FNTA: variants seen among roughly 807,000 people sequenced by gnomAD.
FNTA encodes protein farnesyltransferase/geranylgeranyltransferase type-1 subunit alpha.
A neutral mutation model predicts 55.2 loss-of-function variants in FNTA; 27 were observed. The ratio of observed to expected loss-of-function variants is 0.49; its 90% CI spans 0.36 to 0.67. The LOEUF is 0.67. Among genes scored for constraint, FNTA ranks in the 30% least tolerant of loss-of-function variants. The probability of loss-of-function intolerance (pLI) is 0.00; values close to 1 mark genes in which losing one functional copy is unlikely to be tolerated. For missense variants in FNTA, 422 were observed against 464.7 expected, an observed-to-expected ratio of 0.91 and a Z score of 0.85; for synonymous variants, 176 against 170.7, an observed-to-expected ratio of 1.03 and a Z score of -0.24.
intron 5 of FNTA, among the ~76,000 whole-genome samples, chr8:43,074,333 G>C (rs1411719137): frequency 6.6e-6 from 1 of 152,164 alleles, no homozygotes; most frequent in African/African-American, 2.4e-5. Flanking sequence ...CGACTAGCCT[G>C]GCAACATGGC....
chr8:43,073,512 C>T (rs1204993360), intron 5 of FNTA: 1 of 152,130 alleles, frequency 6.6e-6, no homozygotes, highest in Non-Finnish European at 1.5e-5. Context: ...ACCAAGGTGC[C>T]TTTCACATTC....
At chr8:43,065,003 A>T (rs1810621005) in intron 3 of FNTA, among the ~76,000 whole-genome samples, 2 of 150,924 alleles carry the variant, frequency 1.3e-5, no homozygotes, top group African/African-American at 2.4e-5. Flanking sequence ...TGCCTGGCTA[A>T]TTTTTTATTT....
At chr8:43,071,528 C>T (rs1191524158) in intron 4 of FNTA, among the ~76,000 whole-genome samples, 2 of 151,722 alleles carry the variant, frequency 1.3e-5, no homozygotes, top group Non-Finnish European at 2.9e-5. Flanking sequence ...AAAAATTAGC[C>T]GGGCGTGGTG....
intron 4 of FNTA, among the ~76,000 whole-genome samples, chr8:43,071,547 C>T (rs1455593158): frequency 6.6e-6 from 1 of 152,076 alleles, no homozygotes; most frequent in East Asian, 1.9e-4. Flanking sequence ...TGGCAGGCGC[C>T]TGTAATCCCA....
chr8:43,072,219 C>T lies in FNTA; in HGVS notation c.545C>T (p.Pro182Leu), dbSNP rs138168688. The change falls in exon 5 of 9, where the codon CCA becomes CTA. Residue 182 changes from proline (P) to leucine (L), a missense_variant. Around this residue, in one of 2 missense-constraint regions of FNTA, gnomAD observed 262 missense variants for 343.1 expected, o/e 0.76. Coordinates refer to ENST00000302279, the MANE Select transcript of FNTA (RefSeq NM_002027.3). ...RRVLVEWLRD[P>L]SQELEFIADI... ...GTATTAGTGGAATGGCTAAGAGATC[C>T]ATCTCAGGAGCTTGAATTTATTGCT... 3.2e-6 allele frequency: 5 copies of T among 1,584,940 alleles called. No individual in the cohort carries two copies. The highest frequency in any genetic ancestry group is 1.4e-5 in the African/African-American group (1 of 73,568).
chr8:43,059,321 T>TA, intron 2 of FNTA, 144 bp downstream of exon 2: 1 of 606,068 alleles, frequency 1.6e-6, no homozygotes, highest in Non-Finnish European at 2.9e-6. Context: ...TGTGTTTTTT[T>TA]TATGTGTGTG....
At chr8:43,070,588 C>T (rs1227963533) in intron 4 of FNTA, among the ~76,000 whole-genome samples, 1 of 152,164 alleles carries the variant, frequency 6.6e-6, no homozygotes, top group Non-Finnish European at 1.5e-5. Flanking sequence ...CTTTTCTTTT[C>T]TGGATACTGC....
Position 43,059,120 on chromosome 8 carries a change from C to G in FNTA, c.229C>G (p.Pro77Ala). 6.2e-7 allele frequency: 1 copy of G among 1,612,962 alleles called. No homozygotes were observed. The highest frequency in any genetic ancestry group is 8.5e-7 in the Non-Finnish European group (1 of 1,179,534). The change falls in exon 2 of 9, where the codon CCG becomes GCG. Residue 77 changes from proline (P) to alanine (A), a missense_variant. Physicochemically the swap from Pro to Ala is conservative, Grantham distance 27 (BLOSUM62 -1). Around this residue, in one of 2 missense-constraint regions of FNTA, gnomAD observed 160 missense variants for 121.6 expected, o/e 1.32. Transcript: ENST00000302279. ...CAGAGCAGAATGGGCTGATATAGAT[C>G]CGGTGCCGCAGAATGATGGCCCCAA... ...RDRAEWADID[P>A]VPQNDGPNPV...
intron 2 of FNTA, among the ~76,000 whole-genome samples, chr8:43,062,268 T>A (rs1405569364): frequency 6.6e-6 from 1 of 151,864 alleles, no homozygotes; most frequent in Non-Finnish European, 1.5e-5. Context: ...GTTTTAAATT[T>A]GAAATTATTT....
At position 43,064,088 on chromosome 8, in the gene FNTA, G is replaced by A. The variant is rs746519208; in HGVS notation, c.287-13G>A. 22 of 1,496,472 alleles carry A rather than the reference G, an allele frequency of 1.5e-5. No individual in the cohort carries two copies. The highest frequency in any genetic ancestry group is 1.2e-5 in the Non-Finnish European group (13 of 1,073,300). The allele number at this position is 1,496,472 out of a possible 1,614,324, so 92.7% of individuals were successfully genotyped here. Reference sequence around the variant, plus strand: ...TAAGATGGTCCTAATGTAGTTGTGTGCTCTATCTCTAGTTAGAGATGTTTA... The same window carrying A: ...TAAGATGGTCCTAATGTAGTTGTGTACTCTATCTCTAGTTAGAGATGTTTA... On this transcript the variant is annotated splice_polypyrimidine_tract_variant and intron_variant, in intron 2 of 8. Coordinates refer to ENST00000302279, the MANE Select transcript of FNTA (RefSeq NM_002027.3).
intron 6 of FNTA, 119 bp downstream of exon 6, chr8:43,077,483 G>A (rs1284151525): frequency 3.2e-6 from 2 of 629,994 alleles, no homozygotes; most frequent in African/African-American, 1.8e-5. Flanking sequence ...AGAGGACAGA[G>A]TACTGAGTGG....
At chr8:43,064,610 T>G (rs1810611948) in intron 3 of FNTA, among the ~76,000 whole-genome samples, 1 of 152,084 alleles carries the variant, frequency 6.6e-6, no homozygotes, top group Non-Finnish European at 1.5e-5. Flanking sequence ...CCACTGTGCC[T>G]GGCCTTTAAT....
intron 3 of FNTA, 22 bp from the exon 4 acceptor site, chr8:43,069,533 G>A (rs1006228721): frequency 2.8e-6 from 4 of 1,445,224 alleles, no homozygotes; most frequent in Non-Finnish European, 3.9e-6. Flanking sequence ...ATGCGACTTT[G>A]GATGTTGTAT....
chr8:43,082,952 A>G, intron 6 of FNTA, 166 bp from the exon 7 acceptor site: 1 of 419,920 alleles, frequency 2.4e-6, no homozygotes, highest in Non-Finnish European at 4.3e-6. Flanking sequence ...AGGCTGAGGC[A>G]GGAGTATGAC....
chr8:43,056,827 TGTTC>T (rs1810418750), intron 1 of FNTA: 2 of 162,790 alleles, frequency 1.2e-5, no homozygotes, highest in African/African-American at 4.8e-5. Context: ...CTCGTTCAGC[TGTTC>T]AGGCGTCGCG....
chr8:43,062,026 A>G (rs1056879765), intron 2 of FNTA, among the ~76,000 whole-genome samples: 29 of 151,826 alleles, frequency 1.9e-4, no homozygotes, highest in African/African-American at 6.8e-4. Flanking sequence ...GTCTGTTTAT[A>G]ATGTTTGAAT....
intron 3 of FNTA, among the ~76,000 whole-genome samples, chr8:43,067,895 T>TTTTG (rs975937401): frequency 6.6e-6 from 1 of 151,850 alleles, no homozygotes; most frequent in Non-Finnish European, 1.5e-5. Context: ...AGTTTTGTAT[T>TTTTG]TTTGTTTGTT....
intron 2 of FNTA, chr8:43,063,396 CAT>C (rs1038492226): frequency 2.9e-4 from 127 of 439,538 alleles, no homozygotes; most frequent in African/African-American, 2.2e-3. Context: ...TACTTGCACA[CAT>C]ATGGGAGTAT....
At chr8:43,076,880 AAATAAT>A in intron 5 of FNTA, 1 of 157,884 alleles carries the variant, frequency 6.3e-6, no homozygotes, top group East Asian at 1.8e-4. Flanking sequence ...TGCCTCAAAA[AAATAAT>A]AATAAGATAT....
Sources: gnomAD v4.1 joint callset for allele counts (sites outside exome capture counted in the v4.1 genomes callset) on GRCh38, gnomAD v4.1.1 for gene constraint, gnomAD v4.1.1 regional missense constraint, MANE v1.5 for transcripts, NCBI Gene and HGNC (gene_info 2026-07-23, HGNC 2026-07-21) for gene names.